Variants in OR9I1 observed in about 807,000 individuals in gnomAD.
OR9I1 encodes the protein olfactory receptor 9I1.
OR9I1 carries 7 observed loss-of-function variants against 11.2 expected under a neutral mutation model. The ratio of observed to expected loss-of-function variants is 0.62; its 90% CI spans 0.36 to 1.17. The LOEUF (loss-of-function observed/expected upper bound fraction) is 1.17. OR9I1 is among the 50% of genes most tolerant of loss of function. The probability of loss-of-function intolerance (pLI) is 0.02; values close to 1 mark genes in which losing one functional copy is unlikely to be tolerated. For synonymous variants in OR9I1, 165 were observed against 153.4 expected (o/e 1.08, Z -0.56); for missense variants, 428 against 377.2 (o/e 1.13, Z -1.12).
chr11:58,119,447 A>G lies in OR9I1; in HGVS notation c.-3T>C. 6.4e-7 allele frequency: 1 copy of G among 1,573,752 alleles called. No individual in the cohort carries two copies. Among genetic ancestry groups the G allele is most frequent in the Non-Finnish European group, 8.7e-7 (1 of 1,148,884 alleles). ...CTGGTGAGATTATTCTTGGCCATGG[A>G]GACAATGTGGACTGTTGGTCTGAGG... On this transcript the variant is annotated 5_prime_UTR_variant, in exon 3 of 3. Transcript: ENST00000641439.
chr11:58,124,653 T>A lies in OR9I1; in HGVS notation c.-224-14A>T, dbSNP rs1854070856. On this transcript the variant is annotated splice_polypyrimidine_tract_variant and intron_variant, in intron 1 of 2. Coordinates refer to ENST00000641439, the MANE Select transcript of OR9I1 (RefSeq NM_001005211.2). ...ATTTCCTTTCAACTTGACAATAACA[T>A]AATGAGAGAGAAATATTTTATTTTA... 6.6e-6 allele frequency: 1 copy of A among 152,260 alleles called. No homozygotes were observed. Among genetic ancestry groups the A allele is most frequent in the South Asian group, 2.1e-4 (1 of 4,806 alleles). The allele number at this position is 152,260 out of a possible 1,614,324, so 9.4% of individuals were successfully genotyped here.
At chr11:58,119,639 T>C (rs1054225006) in intron 2 of OR9I1, among the ~76,000 whole-genome samples, 173 bp from the exon 3 acceptor site, 3 of 152,184 alleles carry the variant, frequency 2.0e-5, no homozygotes, top group Non-Finnish European at 4.4e-5. Context: ...AACTGAGCCT[T>C]AAGCTGGTAT....
At chr11:58,119,514 A>T in intron 2 of OR9I1, 48 bp from the exon 3 acceptor site, 1 of 1,060,386 alleles carries the variant, frequency 9.4e-7, no homozygotes, top group Non-Finnish European at 1.4e-6. Context: ...GAAGGACAGA[A>T]TCTTTCCCTC....
Position 58,118,975 on chromosome 11 carries a change from A to G in OR9I1, c.470T>C (p.Ile157Thr). The G allele has an allele frequency of 6.2e-7, 1 of 1,613,900 alleles. No individual in the cohort carries two copies. The highest frequency in any genetic ancestry group is 1.1e-5 in the South Asian group (1 of 91,068). Reference sequence around the variant, plus strand: ...GGTGAAGGTGCAAGTGGTACGCAGGATGGCTCCTGACACCCCACAGACATA... The same window carrying G: ...GGTGAAGGTGCAAGTGGTACGCAGGGTGGCTCCTGACACCCCACAGACATA... ...GAYVCGVSGA[I>T]LRTTCTFTLS... Residue 157 changes from isoleucine (I) to threonine (T), a missense_variant, in exon 3 of 3, where the codon ATC (isoleucine) becomes ACC (threonine). Physicochemically the swap from Ile to Thr is moderately conservative, Grantham distance 89. Transcript: ENST00000641439.
rs201346743 is a variant in OR9I1, at chr11:58,119,416, G to A, written c.29C>T (p.Thr10Ile). 4.1e-5 allele frequency: 66 copies of A among 1,611,540 alleles called. No homozygotes were observed. Among genetic ancestry groups the A allele is most frequent in the Non-Finnish European group, 5.1e-5 (60 of 1,178,488 alleles). The change falls in exon 3 of 3, where the codon ACC (threonine) becomes ATC (isoleucine). Residue 10 changes from threonine (T) to isoleucine (I), a missense_variant. Transcript: ENST00000641439. MAKNNLTRVTEFILMGFMDH... is the reference protein window; with the variant it reads MAKNNLTRVIEFILMGFMDH... Reference sequence around the variant, plus strand: ...CATAAAGCCCATGAGAATGAATTCGGTTACTCTGGTGAGATTATTCTTGGC... The same window carrying A: ...CATAAAGCCCATGAGAATGAATTCGATTACTCTGGTGAGATTATTCTTGGC...
chr11:58,123,294 T>C (rs1854054263), intron 2 of OR9I1, among the ~76,000 whole-genome samples: 1 of 152,236 alleles, frequency 6.6e-6, no homozygotes, highest in East Asian at 1.9e-4. Context: ...CTGCAGTTAA[T>C]CAGAGCTTTT....
rs1305370112 is a variant in OR9I1 at position 58,119,040 on chromosome 11, G to A, written c.405C>T (p.Ala135=). The change falls in exon 3 of 3, where the codon GCC becomes GCT. Residue 135 remains alanine, a synonymous_variant. Transcript: ENST00000641439. ...AIRNPLLYTV[A]MNPRLCWSLV... is the part of the protein sequence containing the mutation. ...GGCTCCAGCAGAGCCTGGGATTCAT[G>A]GCCACGGTATAGAGCAGTGGGTTGC... The A allele has an allele frequency of 2.5e-6, 4 of 1,613,870 alleles. No individual in the cohort carries two copies. Among genetic ancestry groups the A allele is most frequent in the African/African-American group, 2.7e-5 (2 of 74,918 alleles).
Position 58,119,340 on chromosome 11 carries a change from G to T in OR9I1, c.105C>A (p.Tyr35Ter). 1 of 1,613,856 alleles carries T rather than the reference G, an allele frequency of 6.2e-7. No individual in the cohort carries two copies. Among genetic ancestry groups the T allele is most frequent in the East Asian group, 2.2e-5 (1 of 44,836 alleles). ...IPLFLVFLSF[Y>*]LVTLLGNVGM... ...CCACATTCCCAAGAAGGGTGACTAGGTAGAAACTCAGAAACACCAGAAAGA... is the reference window on the plus strand; with the variant it reads ...CCACATTCCCAAGAAGGGTGACTAGTTAGAAACTCAGAAACACCAGAAAGA... The change falls in exon 3 of 3, where the codon TAC (tyrosine) becomes TAA (stop). Residue 35 changes from tyrosine (Y) to a stop codon, truncating the protein, a stop_gained. Coordinates refer to ENST00000641439, the MANE Select transcript of OR9I1 (RefSeq NM_001005211.2). LOFTEE classifies it high-confidence loss of function.
rs1854002523 is a variant in OR9I1, at chr11:58,119,424, G to T, written c.21C>A (p.Thr7=). The T allele has an allele frequency of 6.2e-7, 1 of 1,609,012 alleles. No homozygotes were observed. Among genetic ancestry groups the T allele is most frequent in the Non-Finnish European group, 8.5e-7 (1 of 1,176,704 alleles). The change falls in exon 3 of 3, where the codon ACC becomes ACA. Residue 7 remains threonine (T), a synonymous_variant. Transcript: ENST00000641439. MAKNNL[T]RVTEFILMGF... ...CCATGAGAATGAATTCGGTTACTCT[G>T]GTGAGATTATTCTTGGCCATGGAGA...
At position 58,119,051 on chromosome 11, in the gene OR9I1, A is replaced by G. The variant is rs758496662; in HGVS notation, c.394T>C (p.Tyr132His). 24 of 1,614,056 alleles carry G rather than the reference A, an allele frequency of 1.5e-5. 1 individual carries two copies. The South Asian group carries it at 1.6e-4, about 11-fold the overall frequency. Residue 132 changes from tyrosine to histidine, a missense_variant, in exon 3 of 3, where the codon TAT (tyrosine) becomes CAT (histidine). Coordinates refer to ENST00000641439, the MANE Select transcript of OR9I1 (RefSeq NM_001005211.2). ...AGCCTGGGATTCATGGCCACGGTAT[A>G]GAGCAGTGGGTTGCGAATGGCAGCA... ...RYAAIRNPLL[Y>H]TVAMNPRLCW...
intron 2 of OR9I1, among the ~76,000 whole-genome samples, chr11:58,123,899 A>G (rs936759080): frequency 7.2e-5 from 11 of 152,116 alleles, no homozygotes; most frequent in Non-Finnish European, 1.6e-4. Flanking sequence ...TTCTTTCTTT[A>G]TAACTTGAGA....
chr11:58,118,789 A>G lies in OR9I1; in HGVS notation c.656T>C (p.Leu219Pro). The G allele has an allele frequency of 6.2e-7, 1 of 1,614,126 alleles. No individual in the cohort carries two copies. Among genetic ancestry groups the G allele is most frequent in the South Asian group, 1.1e-5 (1 of 91,088 alleles). Residue 219 changes from leucine to proline, a missense_variant, in exon 3 of 3, where the codon CTG (leucine) becomes CCG (proline). By Grantham distance (98) the Leu-to-Pro change is moderately conservative. Coordinates refer to ENST00000641439, the MANE Select transcript of OR9I1 (RefSeq NM_001005211.2). ...TTTCAAAATGGTCTTGATGATGAGC[A>G]GATAGGAAATCAGGATGACGGAGGC... ...ANASVILISY[L>P]LIIKTILKVK... is the part of the protein sequence containing the mutation.
intron 1 of OR9I1, 104 bp from the exon 2 acceptor site, chr11:58,124,743 A>C (rs1854071548): frequency 6.6e-6 from 1 of 152,224 alleles, no homozygotes; most frequent in Non-Finnish European, 1.5e-5. Context: ...GCTAGAAAGA[A>C]AATATGTTTA....
intron 2 of OR9I1, among the ~76,000 whole-genome samples, chr11:58,120,810 A>ATATATATATATATAT (rs1395425083): frequency 6.9e-6 from 1 of 145,612 alleles, no homozygotes; most frequent in Non-Finnish European, 1.5e-5. Context: ...TACCATATAT[A>ATATATATATATATAT]TATATATATA....
chr11:58,119,990 C>T (rs1003340949), intron 2 of OR9I1, among the ~76,000 whole-genome samples: 2 of 152,126 alleles, frequency 1.3e-5, no homozygotes, highest in African/African-American at 4.8e-5. Flanking sequence ...GCTCTTCCTG[C>T]CCACCATTCC....
chr11:58,119,787 C>T (rs1302554693), intron 2 of OR9I1, among the ~76,000 whole-genome samples: 2 of 151,880 alleles, frequency 1.3e-5, no homozygotes, highest in Middle Eastern at 6.8e-3. Context: ...TACCATATAC[C>T]CACCACACGG....
intron 2 of OR9I1, among the ~76,000 whole-genome samples, chr11:58,119,815 G>A (rs561862469): frequency 2.1e-5 from 3 of 143,354 alleles, no homozygotes; most frequent in East Asian, 3.9e-4. Context: ...GTTGCCGTAT[G>A]AGCCTCCATC....
chr11:58,124,525 A>G lies in OR9I1; in HGVS notation c.-110T>C, dbSNP rs1033599861. 3.9e-5 allele frequency: 6 copies of G among 152,174 alleles called. No individual in the cohort carries two copies. Among genetic ancestry groups the G allele is most frequent in the Non-Finnish European group, 7.3e-5 (5 of 68,034 alleles). 9.4% of individuals were successfully genotyped at this position (152,174 alleles called of 1,614,324 possible). On this transcript the variant is annotated 5_prime_UTR_variant, in exon 2 of 3. Transcript: ENST00000641439. The stretch of plus-strand genomic sequence containing the variant: ...AGGGTGAAGGAGCTCAACAAAGTTA[A>G]TGTTTCTCACCTTACTGAAATCAGT...
chr11:58,120,219 G>C (rs936732281), intron 2 of OR9I1, among the ~76,000 whole-genome samples: 1 of 151,974 alleles, frequency 6.6e-6, no homozygotes, highest in African/African-American at 2.4e-5. Flanking sequence ...GTTCAAACTC[G>C]TGGACTTGCT....
Sources: gnomAD v4.1 joint callset for allele counts (sites outside exome capture counted in the v4.1 genomes callset) on GRCh38, gnomAD v4.1.1 for gene constraint, MANE v1.5 for transcripts, NCBI Gene and HGNC (gene_info 2026-07-23, HGNC 2026-07-21) for gene names.